The following TMEM196 variants were observed in gnomAD, a reference collection of about 807,000 sequenced individuals.
TMEM196 encodes the protein transmembrane protein 196.
In TMEM196, 17 loss-of-function variants were observed where a neutral mutation model predicts 20.0. That is an observed-to-expected ratio of 0.85 (90% CI 0.58 to 1.27). The LOEUF is 1.27. Ranked by LOEUF, TMEM196 falls within the 50% of genes most tolerant of loss-of-function variation. The probability of loss-of-function intolerance (pLI) is 0.00; values close to 1 mark genes in which losing one functional copy is unlikely to be tolerated. For synonymous variants in TMEM196, 113 were observed against 88.9 expected, an observed-to-expected ratio of 1.27 and a Z score of -1.52; for missense variants, 267 against 223.0, an observed-to-expected ratio of 1.20 and a Z score of -1.26.
At chr7:19,748,819 T>C (rs1478825143) in intron 1 of TMEM196, among the ~76,000 whole-genome samples, 2 of 152,148 alleles carry the variant, frequency 1.3e-5, no homozygotes, top group African/African-American at 2.4e-5. Context: ...ATATTTGCCT[T>C]AAATAATTAT....
At chr7:19,742,134 A>T (rs767950223) in intron 1 of TMEM196, among the ~76,000 whole-genome samples, 1 of 152,194 alleles carries the variant, frequency 6.6e-6, no homozygotes, top group South Asian at 2.1e-4. Flanking sequence ...GAACAGTCAA[A>T]ATATATTAGA....
intron 1 of TMEM196, among the ~76,000 whole-genome samples, chr7:19,770,902 A>AT (rs1393339454): frequency 9.9e-5 from 15 of 152,162 alleles, no homozygotes; most frequent in Non-Finnish European, 1.9e-4. Flanking sequence ...ATACTTTGAT[A>AT]TTATCTAGGG....
At chr7:19,759,043 T>C (rs867205192) in intron 1 of TMEM196, among the ~76,000 whole-genome samples, 1 of 152,200 alleles carries the variant, frequency 6.6e-6, no homozygotes, top group South Asian at 2.1e-4. Flanking sequence ...CATTGGCATG[T>C]AAACATGTTC....
chr7:19,770,959 G>A (rs1785848987), intron 1 of TMEM196, among the ~76,000 whole-genome samples: 3 of 151,980 alleles, frequency 2.0e-5, no homozygotes, highest in African/African-American at 4.8e-5. Flanking sequence ...GTTGGGGGCG[G>A]GGATTGAGCT....
chr7:19,733,882 C>T (rs1029252096), intron 1 of TMEM196, among the ~76,000 whole-genome samples: 5 of 152,198 alleles, frequency 3.3e-5, no homozygotes, highest in African/African-American at 1.2e-4. Context: ...ACTTCCTAAA[C>T]TGAAACTGGT....
At chr7:19,757,965 CT>C (rs35641139) in intron 1 of TMEM196, among the ~76,000 whole-genome samples, 23,736 of 141,886 alleles carry the variant, frequency 0.17, 2,328 homozygotes, top group East Asian at 0.44. Context: ...TATATATATA[CT>C]TTTTTTTTTT....
intron 1 of TMEM196, among the ~76,000 whole-genome samples, chr7:19,743,124 T>C (rs1286783237): frequency 6.6e-6 from 1 of 152,166 alleles, no homozygotes; most frequent in African/African-American, 2.4e-5. Context: ...ATTTCCCCCA[T>C]CAAAGAACTG....
At chr7:19,738,494 C>T (rs1784481072) in intron 1 of TMEM196, among the ~76,000 whole-genome samples, 1 of 152,048 alleles carries the variant, frequency 6.6e-6, no homozygotes, top group Admixed American at 6.6e-5. Flanking sequence ...AATGAGCACA[C>T]CTATCACCCA....
chr7:19,767,682 A>G (rs1429390410), intron 1 of TMEM196, among the ~76,000 whole-genome samples: 3 of 151,990 alleles, frequency 2.0e-5, no homozygotes, highest in Non-Finnish European at 4.4e-5. Flanking sequence ...GGGCCATAAA[A>G]ATACGTTTGT....
intron 1 of TMEM196, among the ~76,000 whole-genome samples, chr7:19,760,527 A>G (rs1785397313): frequency 1.3e-5 from 2 of 151,480 alleles, no homozygotes; most frequent in African/African-American, 4.9e-5. Flanking sequence ...CGCCCGGCTA[A>G]TTTTTGTATT....
intron 1 of TMEM196, among the ~76,000 whole-genome samples, chr7:19,765,433 T>A (rs17141945): frequency 0.16 from 23,684 of 152,150 alleles, 2,329 homozygotes; most frequent in East Asian, 0.45. Flanking sequence ...CTGTGAATAA[T>A]ACATCATGTA....
At chr7:19,722,255 G>T in intron 4 of TMEM196, 121 bp from the exon 5 acceptor site, 1 of 777,050 alleles carries the variant, frequency 1.3e-6, no homozygotes, top group South Asian at 1.7e-5. Flanking sequence ...TTTGGGGAAA[G>T]ACAAGGATAT....
chr7:19,758,853 T>G, intron 1 of TMEM196, among the ~76,000 whole-genome samples: 1 of 152,288 alleles, frequency 6.6e-6, no homozygotes, highest in Middle Eastern at 3.4e-3. Flanking sequence ...CTTGACTTAG[T>G]CATACTTTAG....
intron 1 of TMEM196, among the ~76,000 whole-genome samples, chr7:19,747,796 G>C (rs1784814404): frequency 6.6e-6 from 1 of 152,140 alleles, no homozygotes; most frequent in African/African-American, 2.4e-5. Flanking sequence ...AAAGACAGCT[G>C]CTGGTTATTT....
intron 1 of TMEM196, among the ~76,000 whole-genome samples, chr7:19,744,188 T>C (rs1338621098): frequency 6.6e-6 from 1 of 152,184 alleles, no homozygotes; most frequent in African/African-American, 2.4e-5. Context: ...ATGTAACAGC[T>C]TTCAGCTTTC....
chr7:19,733,657 T>A (rs1208919466), intron 1 of TMEM196, among the ~76,000 whole-genome samples: 1 of 136,732 alleles, frequency 7.3e-6, no homozygotes, highest in Non-Finnish European at 1.6e-5. Flanking sequence ...GAAGATCCTT[T>A]TTTAAAAAAA....
rs1306058592 is a variant in TMEM196, at chr7:19,720,943, T to A, written c.*1185A>T. On this transcript the variant is annotated 3_prime_UTR_variant, in exon 5 of 5. Coordinates refer to ENST00000405844, the MANE Select transcript of TMEM196 (RefSeq NM_001363562.2). Reference sequence around the variant, plus strand: ...TTGAAATATCAATATCATCAATAATTTTAAGTCATGATATCTTTATAAATA... The same window carrying A: ...TTGAAATATCAATATCATCAATAATATTAAGTCATGATATCTTTATAAATA... 1 of 151,894 alleles carries A rather than the reference T, an allele frequency of 6.6e-6. No individual in the cohort carries two copies. The highest frequency in any genetic ancestry group is 6.6e-5 in the Admixed American group (1 of 15,246). The allele number at this position is 151,894 out of a possible 1,614,324, so 9.4% of individuals were successfully genotyped here.
At chr7:19,730,759 G>A (rs1784175995) in intron 1 of TMEM196, among the ~76,000 whole-genome samples, 1 of 152,142 alleles carries the variant, frequency 6.6e-6, no homozygotes, top group South Asian at 2.1e-4. Flanking sequence ...ATAAGTAAGG[G>A]AAGTTGTTGC....
At chr7:19,763,222 TG>T (rs1785499699) in intron 1 of TMEM196, among the ~76,000 whole-genome samples, 1 of 152,196 alleles carries the variant, frequency 6.6e-6, no homozygotes, top group Non-Finnish European at 1.5e-5. Context: ...ATTTATCTGC[TG>T]GGATAAATGG....
Sources: gnomAD v4.1 joint callset for allele counts (sites outside exome capture counted in the v4.1 genomes callset) on GRCh38, gnomAD v4.1.1 for gene constraint, MANE v1.5 for transcripts, NCBI Gene and HGNC (gene_info 2026-07-23, HGNC 2026-07-21) for gene names.